The following DCT variants were observed in gnomAD, a reference collection of about 807,000 sequenced individuals.
DCT encodes the protein L-dopachrome tautomerase.
DCT carries 47 observed loss-of-function variants against 53.0 expected under a neutral mutation model. That is an observed-to-expected ratio of 0.89 (90% confidence interval 0.70 to 1.13). The LOEUF (loss-of-function observed/expected upper bound fraction) is 1.13. Ranked by LOEUF, DCT falls within the 50% of genes most tolerant of loss-of-function variation. DCT has a pLI of 0.00. For synonymous variants in DCT, 244 were observed against 237.0 expected, an observed-to-expected ratio of 1.03 and a Z score of -0.27; for missense variants, 669 against 637.4, an observed-to-expected ratio of 1.05 and a Z score of -0.53.
At chr13:94,537,968 T>C in the DCT span, among the ~76,000 whole-genome samples, 1 of 152,210 alleles carries the variant, frequency 6.6e-6, no homozygotes, top group Non-Finnish European at 1.5e-5. Flanking sequence ...CAAAAATGCA[T>C]TGAGCACCTA....
At chr13:94,502,264 G>T in the DCT span, among the ~76,000 whole-genome samples, 1 of 148,410 alleles carries the variant, frequency 6.7e-6, no homozygotes, top group Non-Finnish European at 1.5e-5. Context: ...TCTGCTGAGG[G>T]TGCCTTCACT....
At chr13:94,457,851 T>A (rs9301959) in intron 6 of DCT, among the ~76,000 whole-genome samples, 1 of 151,860 alleles carries the variant, frequency 6.6e-6, no homozygotes, top group Non-Finnish European at 1.5e-5. Flanking sequence ...AAATCTCTTA[T>A]GACAACTTGA....
At chr13:94,524,140 G>A in the DCT span, among the ~76,000 whole-genome samples, 1 of 152,098 alleles carries the variant, frequency 6.6e-6, no homozygotes, top group Non-Finnish European at 1.5e-5. Flanking sequence ...CTCAAGCCGA[G>A]CTATGACCGG....
chr13:94,517,253 T>G, the DCT span, among the ~76,000 whole-genome samples: 3 of 152,244 alleles, frequency 2.0e-5, no homozygotes, highest in Admixed American at 6.5e-5. Context: ...ATCCAAAGAC[T>G]GACAATTAAC....
chr13:94,511,168 GA>G, the DCT span, among the ~76,000 whole-genome samples: 1 of 152,048 alleles, frequency 6.6e-6, no homozygotes, highest in Non-Finnish European at 1.5e-5. Context: ...GGCCTTTCTT[GA>G]TAAGGTGCTT....
the DCT span, among the ~76,000 whole-genome samples, chr13:94,547,962 C>CAAAAAAAAA: frequency 5.9e-5 from 4 of 67,904 alleles, no homozygotes; most frequent in African/African-American, 5.2e-4. Context: ...AACTCCGTCT[C>CAAAAAAAAA]AAAAAAAAAA....
chr13:94,520,164 G>A, the DCT span, among the ~76,000 whole-genome samples: 1 of 152,036 alleles, frequency 6.6e-6, no homozygotes, highest in African/African-American at 2.4e-5. Context: ...ACAATTCAAG[G>A]CTCTATTTCA....
intron 6 of DCT, among the ~76,000 whole-genome samples, chr13:94,458,490 C>T (rs1177621208): frequency 6.6e-6 from 1 of 152,108 alleles, no homozygotes; most frequent in Non-Finnish European, 1.5e-5. Flanking sequence ...TAGAAAAGTT[C>T]ACCAGGGGAT....
In DCT at chr13:94,466,574, AGACACAACAAAT is replaced by A; in HGVS notation, c.668_679del (p.His223_Cys226del). On this transcript the variant is annotated inframe_deletion, in exon 3 of 8. Coordinates refer to ENST00000377028, the MANE Select transcript of DCT (RefSeq NM_001922.5). ...TTGACCTACCTGGAGATCTCTTTCC[AGACACAACAAAT>A]GGTACCGGTGCCAGGTAACAAATGC... 6.2e-7 allele frequency: 1 copy of A among 1,608,636 alleles called. No homozygotes were observed. The highest frequency in any genetic ancestry group is 1.1e-5 in the South Asian group (1 of 89,888).
At chr13:94,485,783 C>T in the DCT span, among the ~76,000 whole-genome samples, 10 of 152,144 alleles carry the variant, frequency 6.6e-5, no homozygotes, top group African/African-American at 2.4e-4. Flanking sequence ...ATTATTTAGC[C>T]AAGAGAATTG....
In DCT at chr13:94,459,341, T is replaced by A. The variant is rs535034592; in HGVS notation, c.1179+750A>T. Among the ~76,000 whole-genome samples, 72 of 152,338 alleles carry A rather than the reference T, an allele frequency of 4.7e-4. No individual in the cohort carries two copies. In the South Asian group the frequency reaches 0.011, roughly 22 times the overall value. The stretch of plus-strand genomic sequence containing the variant: ...CAGAGGTATGAATCAGATTAACAAA[T>A]TAAATTGCCTCAAATGTGAGTTTTT... On this transcript the variant is annotated intron_variant, in intron 6 of 7. Coordinates refer to ENST00000377028, the MANE Select transcript of DCT (RefSeq NM_001922.5).
At chr13:94,445,881 C>T in intron 6 of DCT, 1 of 653,432 alleles carries the variant, frequency 1.5e-6, no homozygotes, top group Non-Finnish European at 2.7e-6. Context: ...AGGGGAGAAA[C>T]TGTGGGGGGG....
chr13:94,440,363 T>C (rs1882204062), intron 7 of DCT, among the ~76,000 whole-genome samples: 1 of 152,214 alleles, frequency 6.6e-6, no homozygotes, highest in Non-Finnish European at 1.5e-5. Flanking sequence ...AGGAAGAATG[T>C]AACTACTTTT....
At chr13:94,540,107 A>G in the DCT span, among the ~76,000 whole-genome samples, 1 of 150,148 alleles carries the variant, frequency 6.7e-6, no homozygotes, top group African/African-American at 2.5e-5. Flanking sequence ...CTCAATTATC[A>G]ATTCTAAAAA....
the DCT span, among the ~76,000 whole-genome samples, chr13:94,519,908 G>A: frequency 2.2e-4 from 33 of 152,118 alleles, no homozygotes; most frequent in Non-Finnish European, 3.7e-4. Context: ...TGAGGAGAAG[G>A]TCTAAATACA....
At chr13:94,446,449 T>G (rs1224719461) in intron 6 of DCT, among the ~76,000 whole-genome samples, 1 of 152,200 alleles carries the variant, frequency 6.6e-6, no homozygotes, top group Non-Finnish European at 1.5e-5. Flanking sequence ...CATTTAGGAA[T>G]GCATGTGGCA....
At chr13:94,499,466 G>GTA in the DCT span, among the ~76,000 whole-genome samples, 1 of 26,702 alleles carries the variant, frequency 3.7e-5, no homozygotes, top group Non-Finnish European at 8.0e-5. Flanking sequence ...ATGAGAGTGA[G>GTA]TGTGTGTGTG....
intron 6 of DCT, chr13:94,444,232 G>T: frequency 3.7e-6 from 1 of 267,348 alleles, no homozygotes; most frequent in Non-Finnish European, 7.5e-6. Flanking sequence ...ATTCTCAACT[G>T]GTATAATGCA....
chr13:94,469,150 C>T, intron 1 of DCT, 105 bp from the exon 2 acceptor site: 1 of 990,866 alleles, frequency 1.0e-6, no homozygotes, highest in Non-Finnish European at 1.5e-6. Context: ...GATGAAGGTG[C>T]TTACACAAAG....
Sources: gnomAD v4.1 joint callset for allele counts (sites outside exome capture counted in the v4.1 genomes callset) on GRCh38, gnomAD v4.1.1 for gene constraint, MANE v1.5 for transcripts, NCBI Gene and HGNC (gene_info 2026-07-23, HGNC 2026-07-21) for gene names.